PTBP3: variants seen among roughly 807,000 people sequenced by gnomAD.
PTBP3 encodes polypyrimidine tract binding protein 3, also known as polypyrimidine tract-binding protein 3.
A neutral mutation model predicts 58.7 loss-of-function variants in PTBP3; 20 were observed. That is an observed-to-expected ratio of 0.34 (90% CI 0.24 to 0.50). The LOEUF (loss-of-function observed/expected upper bound fraction) is 0.50. PTBP3 is among the 20% of genes least tolerant of loss of function. PTBP3 has a pLI of 0.98. For synonymous variants in PTBP3, 185 were observed against 219.8 expected, an observed-to-expected ratio of 0.84 and a Z score of 1.40; for missense variants, 509 against 637.2, an observed-to-expected ratio of 0.80 and a Z score of 2.17.
chr9:112,231,545 G>T, intron 9 of PTBP3, 132 bp from the exon 10 acceptor site: 1 of 631,692 alleles, frequency 1.6e-6, no homozygotes, highest in Non-Finnish European at 2.6e-6. Context: ...ATATACTAGT[G>T]ATGAATTTTA....
chr9:112,351,611 A>G, the PTBP3 span, among the ~76,000 whole-genome samples: 1 of 152,344 alleles, frequency 6.6e-6, no homozygotes, highest in South Asian at 2.1e-4. Flanking sequence ...ATTATTTAGA[A>G]TTCTTCTGTA....
rs1830480184 is a variant in PTBP3 at position 112,333,588 on chromosome 9, G to A, written c.-170C>T. The A allele has an allele frequency of 1.5e-6, 2 of 1,368,194 alleles. No homozygotes were observed. The highest frequency in any genetic ancestry group is 2.0e-4 in the Middle Eastern group (1 of 5,100). 84.8% of individuals were successfully genotyped at this position (1,368,194 alleles called of 1,614,324 possible). On this transcript the variant is annotated 5_prime_UTR_variant, in exon 1 of 14. Coordinates refer to ENST00000374257, the MANE Select transcript of PTBP3 (RefSeq NM_001163788.4). ...GGGACAAGCGAGCTTTGGCTCTGCG[G>A]AGCCCCGGCCGGTCCGAGGTGGAAG... is the stretch of plus-strand genomic sequence containing the variant.
chr9:112,222,989 C>A lies in PTBP3; in HGVS notation c.*862G>T. 9 of 849,766 alleles carry A rather than the reference C, an allele frequency of 1.1e-5. No homozygotes were observed. The highest frequency in any genetic ancestry group is 1.3e-5 in the Non-Finnish European group (9 of 706,412). The allele number at this position is 849,766 out of a possible 1,614,324, so 52.6% of individuals were successfully genotyped here. Reference sequence around the variant, plus strand: ...AGACTGTAAACTTTTTTTCTGAAAACAATTATAAAAAAGTAGTTTATAAGT... The same window carrying A: ...AGACTGTAAACTTTTTTTCTGAAAAAAATTATAAAAAAGTAGTTTATAAGT... On this transcript the variant is annotated 3_prime_UTR_variant, in exon 14 of 14. Transcript: ENST00000374257.
At chr9:112,363,400 T>C in the PTBP3 span, among the ~76,000 whole-genome samples, 1 of 151,742 alleles carries the variant, frequency 6.6e-6, no homozygotes, top group East Asian at 1.9e-4. Context: ...CAGCCTGTAG[T>C]CCCAGTTACT....
At chr9:112,375,460 C>T in the PTBP3 span, among the ~76,000 whole-genome samples, 400 of 152,310 alleles carry the variant, frequency 2.6e-3, 5 homozygotes, top group Middle Eastern at 0.014. Flanking sequence ...TGTAGTGCTG[C>T]AGCTGTCCAC....
chr9:112,355,861 T>C, the PTBP3 span, among the ~76,000 whole-genome samples: 1 of 152,124 alleles, frequency 6.6e-6, no homozygotes, highest in African/African-American at 2.4e-5. Flanking sequence ...AAGCCATCTA[T>C]CCGGCTTGGG....
At chr9:112,246,850 C>T (rs906575694) in intron 7 of PTBP3, among the ~76,000 whole-genome samples, 3 of 152,008 alleles carry the variant, frequency 2.0e-5, no homozygotes, top group African/African-American at 7.3e-5. Flanking sequence ...GCTAACACCA[C>T]AAGAAAAAGG....
At chr9:112,311,198 T>G (rs10817314) in intron 1 of PTBP3, among the ~76,000 whole-genome samples, 42,674 of 143,564 alleles carry the variant, frequency 0.3, 6,778 homozygotes, top group South Asian at 0.41. Context: ...GAAAATGTGT[T>G]TTTTTTTTTT....
At chr9:112,276,475 T>G (rs1827614583) in intron 2 of PTBP3, among the ~76,000 whole-genome samples, 2 of 152,062 alleles carry the variant, frequency 1.3e-5, no homozygotes, top group African/African-American at 4.8e-5. Context: ...GGATTTGAAT[T>G]GTATATTTAT....
intron 1 of PTBP3, among the ~76,000 whole-genome samples, chr9:112,322,134 C>CAA (rs149553072): frequency 0.064 from 4,346 of 67,502 alleles, 369 homozygotes; most frequent in African/African-American, 0.12. Flanking sequence ...GACTCCATCT[C>CAA]AAAAAAAAAA....
chr9:112,356,595 G>A, the PTBP3 span, among the ~76,000 whole-genome samples: 1 of 127,866 alleles, frequency 7.8e-6, no homozygotes, highest in Middle Eastern at 4.4e-3. Context: ...AAAAAAAAAT[G>A]GTGAAATACA....
chr9:112,345,587 G>C, the PTBP3 span, among the ~76,000 whole-genome samples: 1 of 151,374 alleles, frequency 6.6e-6, no homozygotes, highest in Non-Finnish European at 1.5e-5. Flanking sequence ...TTACCATTTG[G>C]CCAGGCTGGT....
rs776390074 is a variant in PTBP3, at chr9:112,221,339, C to T, written c.*2512G>A. 5.1e-6 allele frequency: 5 copies of T among 985,692 alleles called. No individual in the cohort carries two copies. The highest frequency in any genetic ancestry group is 6.0e-6 in the Non-Finnish European group (5 of 829,930). The allele number at this position is 985,692 out of a possible 1,614,324, so 61.1% of individuals were successfully genotyped here. On this transcript the variant is annotated 3_prime_UTR_variant, in exon 14 of 14. Coordinates refer to ENST00000374257, the MANE Select transcript of PTBP3 (RefSeq NM_001163788.4). ...TCCCTGAAAAGGATTCAAATGTTCT[C>T]TCTCAGACTTAAAAGGCCATTCCCT...
Position 112,223,723 on chromosome 9 carries a change from A to C in PTBP3, c.*128T>G. On this transcript the variant is annotated 3_prime_UTR_variant, in exon 14 of 14. Transcript: ENST00000374257. The stretch of plus-strand genomic sequence containing the variant: ...AAAAAAATCCCTTGATTTTTAAAAT[A>C]TACTTGAATATCAAACTCAGAGTTA... 1 of 1,365,350 alleles carries C rather than the reference A, an allele frequency of 7.3e-7. No individual in the cohort carries two copies. 84.6% of individuals were successfully genotyped at this position (1,365,350 alleles called of 1,614,324 possible).
At position 112,284,856 on chromosome 9, in the gene PTBP3, C is replaced by T. The variant is rs969893621; in HGVS notation, c.35-8843G>A. On this transcript the variant is annotated intron_variant, in intron 2 of 13. Transcript: ENST00000374257. Reference sequence around the variant, plus strand: ...AGCATTCATCCAATGCCTGTACCCCCGTTGTATCTTCGAAGTAACTAACTT... The same window carrying T: ...AGCATTCATCCAATGCCTGTACCCCTGTTGTATCTTCGAAGTAACTAACTT... 2.0e-5 allele frequency among the ~76,000 whole-genome samples: 3 copies of T among 151,514 alleles called. No individual in the cohort carries two copies. The East Asian group carries it at 5.8e-4, about 29-fold the overall frequency.
intron 1 of PTBP3, among the ~76,000 whole-genome samples, chr9:112,307,520 A>AT (rs1390094939): frequency 6.6e-6 from 1 of 152,218 alleles, no homozygotes; most frequent in African/African-American, 2.4e-5. Context: ...ATCATTCTTT[A>AT]TATAAAATAA....
chr9:112,374,432 T>C, the PTBP3 span, among the ~76,000 whole-genome samples: 1 of 152,196 alleles, frequency 6.6e-6, no homozygotes, highest in Non-Finnish European at 1.5e-5. Flanking sequence ...ACCCCTTGAT[T>C]CCTGGACCCA....
the PTBP3 span, among the ~76,000 whole-genome samples, chr9:112,343,057 A>T: frequency 2.6e-5 from 4 of 152,188 alleles, no homozygotes; most frequent in Admixed American, 2.0e-4. Flanking sequence ...TCCTCAGAGA[A>T]GTTGTTGGTT....
intron 8 of PTBP3, among the ~76,000 whole-genome samples, chr9:112,232,864 CTA>C (rs1338724307): frequency 2.0e-5 from 3 of 152,134 alleles, no homozygotes; most frequent in African/African-American, 7.2e-5. Context: ...AATACTGACA[CTA>C]TACTTAAAAC....
Sources: allele counts gnomAD v4.1 joint callset (sites outside exome capture counted in the v4.1 genomes callset), GRCh38; gene constraint gnomAD v4.1.1; transcripts MANE v1.5; gene names NCBI Gene and HGNC (gene_info 2026-07-23, HGNC 2026-07-21).